Variants in TEX9 observed in about 807,000 individuals in gnomAD.
TEX9 encodes testis-expressed protein 9.
In TEX9, 74 loss-of-function variants were observed where a neutral mutation model predicts 59.6. The ratio of observed to expected loss-of-function variants is 1.24; its 90% CI spans 1.03 to 1.51. The LOEUF (loss-of-function observed/expected upper bound fraction) is 1.51, where lower values mean the gene tolerates loss of function less well. Ranked by LOEUF, TEX9 falls within the 40% of genes most tolerant of loss-of-function variation. The pLI, the probability that TEX9 is intolerant of heterozygous loss-of-function variation, is 0.00. For synonymous variants in TEX9, 186 were observed against 152.2 expected, an observed-to-expected ratio of 1.22 and a Z score of -1.64; for missense variants, 522 against 447.8, an observed-to-expected ratio of 1.17 and a Z score of -1.49.
At chr15:56,262,900 T>A (rs2044298480) in intron 1 of TEX9, among the ~76,000 whole-genome samples, 1 of 152,250 alleles carries the variant, frequency 6.6e-6, no homozygotes. Context: ...TTACTTTGTC[T>A]GATATTAATA....
exon 11 of TEX9, chr15:56,427,683 T>C (rs2050373213): frequency 6.5e-7 from 1 of 1,533,222 alleles, no homozygotes; most frequent in Non-Finnish European, 8.8e-7. Flanking sequence ...AAAAGGAGAA[T>C]TAATGATAGG....
chr15:56,325,152 C>T (rs535390110), intron 1 of TEX9, among the ~76,000 whole-genome samples: 3 of 152,248 alleles, frequency 2.0e-5, no homozygotes. Flanking sequence ...GCATTGATTA[C>T]CACCTTGTAG....
intron 1 of TEX9, among the ~76,000 whole-genome samples, chr15:56,280,860 C>T (rs184338035): frequency 8.5e-5 from 13 of 152,288 alleles, no homozygotes; most frequent in South Asian, 2.1e-4. Flanking sequence ...GAATAACTTA[C>T]GCCTAGCATA....
At chr15:56,346,161 C>G (rs560583057) in intron 1 of TEX9, among the ~76,000 whole-genome samples, 78 of 152,282 alleles carry the variant, frequency 5.1e-4, no homozygotes, top group African/African-American at 1.8e-3. Context: ...AAAACAGATA[C>G]AGTGAAGGCT....
intron 10 of TEX9, among the ~76,000 whole-genome samples, chr15:56,420,461 C>T (rs2049927754): frequency 6.6e-6 from 1 of 151,846 alleles, no homozygotes; most frequent in African/African-American, 2.4e-5. Flanking sequence ...GCCCCCGCCA[C>T]CATGCTCGGC....
chr15:56,412,415 T>C, exon 10 of TEX9: 2 of 1,611,050 alleles, frequency 1.2e-6, no homozygotes, highest in East Asian at 4.5e-5. Context: ...TGGAGTTAAG[T>C]AAATTAAGGC....
chr15:56,306,260 A>C (rs1487393866), intron 1 of TEX9, among the ~76,000 whole-genome samples: 1 of 147,750 alleles, frequency 6.8e-6, no homozygotes, highest in Admixed American at 6.8e-5. Context: ...TACATAGCAA[A>C]AAAAAAAAAA....
upstream of TEX9, chr15:56,365,343 A>C: frequency 7.0e-7 from 1 of 1,424,982 alleles, no homozygotes; most frequent in Non-Finnish European, 9.4e-7. Context: ...GCAGCACAGA[A>C]CCTGAGAGTG....
chr15:56,405,471 C>G (rs1290545354), intron 9 of TEX9, among the ~76,000 whole-genome samples: 2 of 152,048 alleles, frequency 1.3e-5, no homozygotes, highest in African/African-American at 4.8e-5. Flanking sequence ...ATTAAATGAA[C>G]GTAAGTACCA....
intron 1 of TEX9, among the ~76,000 whole-genome samples, chr15:56,269,460 G>T (rs2141383643): frequency 6.6e-6 from 1 of 152,112 alleles, no homozygotes; most frequent in Non-Finnish European, 1.5e-5. Context: ...TGGGCATTTA[G>T]TGCTATAAAT....
chr15:56,399,521 C>T (rs1399113887), intron 9 of TEX9, among the ~76,000 whole-genome samples: 8 of 152,244 alleles, frequency 5.3e-5, no homozygotes, highest in Non-Finnish European at 1.0e-4. Flanking sequence ...GACTCCACCT[C>T]TGTAGGCAGG....
At chr15:56,428,968 T>C (rs1436447229) in intron 12 of TEX9, 3 of 565,382 alleles carry the variant, frequency 5.3e-6, no homozygotes, top group African/African-American at 2.0e-5. Flanking sequence ...TTACAAGTTA[T>C]GAAATTCAGT....
intron 1 of TEX9, among the ~76,000 whole-genome samples, chr15:56,315,374 T>C (rs1362212290): frequency 0.018 from 2,702 of 148,026 alleles, 83 homozygotes; most frequent in African/African-American, 0.062. Context: ...AGCATTTGCT[T>C]GTCTGTAAAG....
rs575966798 is a variant in TEX9 at position 56,373,509 on chromosome 15, G to C, written c.183+5G>C. On this transcript the variant is annotated splice_donor_5th_base_variant and intron_variant, in intron 3 of 12. Coordinates refer to ENST00000352903, the Ensembl canonical transcript of TEX9. ...CAACAAGCTAAGGAAATAATAGTAAGTATATGTACAATTATTAATAATTCT... is the reference window on the plus strand; with the variant it reads ...CAACAAGCTAAGGAAATAATAGTAACTATATGTACAATTATTAATAATTCT... 3.9e-6 allele frequency: 6 copies of C among 1,544,620 alleles called. No individual in the cohort carries two copies. The East Asian group carries it at 1.4e-4, about 37-fold the overall frequency.
intron 1 of TEX9, among the ~76,000 whole-genome samples, chr15:56,252,181 A>G (rs2044037603): frequency 6.6e-6 from 1 of 151,974 alleles, no homozygotes; most frequent in Non-Finnish European, 1.5e-5. Flanking sequence ...ATGTCATACT[A>G]TCTCATTGTA....
At chr15:56,244,808 C>G (rs1389463040) in intron 1 of TEX9, among the ~76,000 whole-genome samples, 1 of 151,046 alleles carries the variant, frequency 6.6e-6, no homozygotes, top group Non-Finnish European at 1.5e-5. Flanking sequence ...CCCCCGCAGA[C>G]TCCGCACCAT....
downstream of TEX9, chr15:56,446,992 T>C (rs746258207): frequency 2.3e-6 from 3 of 1,315,680 alleles, no homozygotes; most frequent in African/African-American, 2.9e-5. Flanking sequence ...CATAAGAGAA[T>C]GAAAACCTCA....
chr15:56,340,985 T>C (rs1428865385), intron 1 of TEX9, among the ~76,000 whole-genome samples: 1 of 152,152 alleles, frequency 6.6e-6, no homozygotes, highest in African/African-American at 2.4e-5. Flanking sequence ...TAGGTCTATT[T>C]AGAATACTTA....
intron 9 of TEX9, among the ~76,000 whole-genome samples, chr15:56,399,533 C>T (rs558414046): frequency 2.6e-5 from 4 of 152,338 alleles, no homozygotes; most frequent in South Asian, 2.1e-4. Context: ...GTAGGCAGGG[C>T]GTAGCTGAGC....
Sources: gnomAD v4.1 joint callset for allele counts (sites outside exome capture counted in the v4.1 genomes callset) on GRCh38, gnomAD v4.1.1 for gene constraint, MANE v1.5 for transcripts, NCBI Gene and HGNC (gene_info 2026-07-23, HGNC 2026-07-21) for gene names.